The following DCC variants were observed in gnomAD, a reference collection of about 807,000 sequenced individuals.
The protein encoded by DCC is DCC netrin 1 receptor.
In DCC, 58 loss-of-function variants were observed where a neutral mutation model predicts 172.5. That is an observed-to-expected ratio of 0.34 (90% CI 0.27 to 0.42). DCC has a LOEUF of 0.42. DCC is among the 10% of genes least tolerant of loss of function. DCC has a pLI of 1.00. For missense variants in DCC, 1,740 were observed against 1,791.0 expected, an observed-to-expected ratio of 0.97 and a Z score of 0.51; for synonymous variants, 709 against 644.5, an observed-to-expected ratio of 1.10 and a Z score of -1.52.
chr18:53,346,368 T>G (rs1240158023), intron 15 of DCC, among the ~76,000 whole-genome samples: 1 of 152,154 alleles, frequency 6.6e-6, no homozygotes. Context: ...TCAAATATTT[T>G]TCCCCACTAT....
chr18:52,354,427 G>A (rs2080177065), intron 1 of DCC, among the ~76,000 whole-genome samples: 1 of 152,216 alleles, frequency 6.6e-6, no homozygotes, highest in African/African-American at 2.4e-5. Flanking sequence ...TGGAGGTTTA[G>A]AAGCAACTTA....
At chr18:53,197,090 T>C (rs2069191) in intron 9 of DCC, among the ~76,000 whole-genome samples, 70,474 of 151,924 alleles carry the variant, frequency 0.46, 17,272 homozygotes, top group Non-Finnish European at 0.52. Flanking sequence ...TCAAAGCATA[T>C]ACTTTATTAT....
intron 15 of DCC, among the ~76,000 whole-genome samples, chr18:53,365,742 A>AT (rs748253145): frequency 2.0e-5 from 3 of 152,148 alleles, no homozygotes; most frequent in Non-Finnish European, 4.4e-5. Context: ...TAATTTGAGA[A>AT]TCAGTCAACT....
chr18:53,381,320 G>C (rs1475742888), intron 15 of DCC, among the ~76,000 whole-genome samples: 1 of 151,878 alleles, frequency 6.6e-6, no homozygotes, highest in African/African-American at 2.4e-5. Flanking sequence ...ATTTTCTATG[G>C]AGCTATAAAT....
intron 1 of DCC, among the ~76,000 whole-genome samples, chr18:52,722,217 A>T (rs2036483757): frequency 6.6e-6 from 1 of 152,096 alleles, no homozygotes; most frequent in East Asian, 1.9e-4. Context: ...ACCACTTTGA[A>T]TTTCAATACA....
chr18:52,929,983 T>A (rs1013187192), intron 5 of DCC, among the ~76,000 whole-genome samples: 4 of 152,096 alleles, frequency 2.6e-5, no homozygotes, highest in African/African-American at 9.7e-5. Context: ...TCTTCTCCAG[T>A]TCTAATTTTT....
intron 1 of DCC, among the ~76,000 whole-genome samples, chr18:52,542,706 G>A (rs2032495395): frequency 1.3e-5 from 2 of 152,116 alleles, no homozygotes; most frequent in Admixed American, 1.3e-4. Flanking sequence ...GGGTGTGGTG[G>A]TGCATGCCTG....
At chr18:52,921,469 T>G (rs2040124018) in intron 3 of DCC, among the ~76,000 whole-genome samples, 2 of 152,134 alleles carry the variant, frequency 1.3e-5, no homozygotes, top group South Asian at 4.1e-4. Context: ...GAGGCTTAGG[T>G]GGGCAGATCA....
intron 27 of DCC, among the ~76,000 whole-genome samples, chr18:53,514,150 C>G (rs1052864969): frequency 2.6e-5 from 4 of 152,182 alleles, no homozygotes; most frequent in African/African-American, 9.7e-5. Flanking sequence ...AAGAATCTCA[C>G]TCAAAACCGC....
In DCC at chr18:53,214,294, A is replaced by G. The variant is rs73461570; in HGVS notation, c.1862-1254A>G. On this transcript the variant is annotated intron_variant, in intron 11 of 28. Transcript: ENST00000442544. Reference sequence around the variant, plus strand: ...AATCAAAATAAAAAAAAAAGATTTCATTTTCTGTTATTCCCAGAAAGGTCT... The same window carrying G: ...AATCAAAATAAAAAAAAAAGATTTCGTTTTCTGTTATTCCCAGAAAGGTCT... 1.8e-3 allele frequency among the ~76,000 whole-genome samples: 267 copies of G among 152,192 alleles called. 2 individuals are homozygous for G. The highest frequency in any genetic ancestry group is 6.3e-3 in the African/African-American group (262 of 41,556).
chr18:52,899,449 G>C (rs1205728570), intron 2 of DCC, among the ~76,000 whole-genome samples: 1 of 137,650 alleles, frequency 7.3e-6, no homozygotes, highest in Non-Finnish European at 1.5e-5. Flanking sequence ...CACCTCCTGG[G>C]TTCAAGTGAT....
intron 5 of DCC, among the ~76,000 whole-genome samples, chr18:52,977,413 T>C (rs2041136168): frequency 6.6e-6 from 1 of 152,194 alleles, no homozygotes; most frequent in African/African-American, 2.4e-5. Flanking sequence ...GTGATGCCAA[T>C]GCACAGCCTG....
intron 1 of DCC, among the ~76,000 whole-genome samples, chr18:52,355,964 G>GA (rs1476356739): frequency 4.0e-5 from 6 of 151,624 alleles, no homozygotes; most frequent in South Asian, 2.1e-4. Context: ...AGACAAAAAA[G>GA]AAAAAAAATG....
At chr18:53,330,528 T>A (rs2144846617) in intron 14 of DCC, among the ~76,000 whole-genome samples, 1 of 152,286 alleles carries the variant, frequency 6.6e-6, no homozygotes, top group East Asian at 1.9e-4. Flanking sequence ...TTGCTCTCCC[T>A]CCTCTCTAGA....
At chr18:53,223,107 G>C (rs980743692) in intron 12 of DCC, among the ~76,000 whole-genome samples, 1 of 152,088 alleles carries the variant, frequency 6.6e-6, no homozygotes, top group African/African-American at 2.4e-5. Context: ...ATTTGAATAA[G>C]TTAGAGACAT....
At chr18:52,912,787 A>T (rs114077674) in intron 3 of DCC, among the ~76,000 whole-genome samples, 314 of 152,140 alleles carry the variant, frequency 2.1e-3, no homozygotes, top group African/African-American at 7.2e-3. Flanking sequence ...TCTTTTCACT[A>T]TAAAGGATCT....
chr18:52,815,411 TACACACAC>T (rs34924244), intron 2 of DCC, among the ~76,000 whole-genome samples: 22 of 150,078 alleles, frequency 1.5e-4, no homozygotes, highest in East Asian at 8.0e-4. Flanking sequence ...TTCTCACACG[TACACACAC>T]ACACACACAC....
At chr18:52,365,531 T>G (rs1243112852) in intron 1 of DCC, among the ~76,000 whole-genome samples, 5 of 148,768 alleles carry the variant, frequency 3.4e-5, no homozygotes, top group South Asian at 4.3e-4. Context: ...TTGGGTGGGG[T>G]TTATGGTCTG....
chr18:52,661,284 G>A (rs2035353930), intron 1 of DCC, among the ~76,000 whole-genome samples: 1 of 152,140 alleles, frequency 6.6e-6, no homozygotes, highest in Non-Finnish European at 1.5e-5. Flanking sequence ...AGGGACATTA[G>A]ACATTAGACC....
Sources: gnomAD v4.1 joint callset for allele counts (sites outside exome capture counted in the v4.1 genomes callset) on GRCh38, gnomAD v4.1.1 for gene constraint, MANE v1.5 for transcripts, NCBI Gene and HGNC (gene_info 2026-07-23, HGNC 2026-07-21) for gene names.